CHCHD6: variants seen among roughly 807,000 people sequenced by gnomAD.
CHCHD6 encodes the protein MICOS complex subunit MIC25.
A neutral mutation model predicts 32.3 loss-of-function variants in CHCHD6; 28 were observed. The ratio of observed to expected loss-of-function variants is 0.87; its 90% CI spans 0.64 to 1.19. The LOEUF (loss-of-function observed/expected upper bound fraction) is 1.19. Among genes scored for constraint, CHCHD6 ranks in the 50% most tolerant of loss-of-function variants. The probability of loss-of-function intolerance (pLI) is 0.00; values close to 1 mark genes in which losing one functional copy is unlikely to be tolerated. For synonymous variants in CHCHD6, 122 were observed against 117.5 expected, an observed-to-expected ratio of 1.04 and a Z score of -0.25; for missense variants, 333 against 307.0, an observed-to-expected ratio of 1.08 and a Z score of -0.63.
intron 4 of CHCHD6, among the ~76,000 whole-genome samples, chr3:126,827,454 G>C (rs1940445707): frequency 6.6e-6 from 1 of 152,190 alleles, no homozygotes; most frequent in African/African-American, 2.4e-5. Flanking sequence ...GGTTGCCTTG[G>C]TGGAGGGAAG....
intron 4 of CHCHD6, among the ~76,000 whole-genome samples, chr3:126,825,773 C>G (rs934160037): frequency 1.3e-5 from 2 of 152,148 alleles, no homozygotes; most frequent in Non-Finnish European, 2.9e-5. Context: ...TTCTCACGCT[C>G]TTTATAGTTA....
At chr3:126,903,581 T>A (rs2107584314) in intron 5 of CHCHD6, among the ~76,000 whole-genome samples, 1 of 152,376 alleles carries the variant, frequency 6.6e-6, no homozygotes, top group East Asian at 1.9e-4. Context: ...TTCAAACTCT[T>A]TAGATAGTCA....
At chr3:126,807,204 A>G (rs1338561688) in intron 4 of CHCHD6, among the ~76,000 whole-genome samples, 1 of 152,020 alleles carries the variant, frequency 6.6e-6, no homozygotes, top group Non-Finnish European at 1.5e-5. Flanking sequence ...ATAAAAAAAA[A>G]AAAATTGTGA....
At position 126,957,521 on chromosome 3, in the gene CHCHD6, A is replaced by C. The variant is rs533976978; in HGVS notation, c.672A>C (p.Ala224=). Reference sequence around the variant, plus strand: ...TGCTGTGCTCGGACCTGGTCAAGGCATACCAGCGCTGCGTGAGCGCCGCCC... The same window carrying C: ...TGCTGTGCTCGGACCTGGTCAAGGCCTACCAGCGCTGCGTGAGCGCCGCCC... ...EVLLCSDLVK[A]YQRCVSAAHK... The change falls in exon 7 of 8, where the codon GCA becomes GCC. Residue 224 remains alanine, a synonymous_variant. Coordinates refer to ENST00000290913, the MANE Select transcript of CHCHD6 (RefSeq NM_032343.3). The C allele has an allele frequency of 3.2e-6, 5 of 1,584,756 alleles. No homozygotes were observed. In the African/African-American group the frequency reaches 5.4e-5, roughly 17 times the overall value.
intron 5 of CHCHD6, among the ~76,000 whole-genome samples, chr3:126,863,332 T>A (rs1487705598): frequency 8.0e-5 from 8 of 99,728 alleles, no homozygotes; most frequent in African/African-American, 1.2e-4. Flanking sequence ...CTCCTCCTCC[T>A]CCTCCATCAC....
chr3:126,780,387 G>T (rs565411822), intron 4 of CHCHD6: 22 of 413,588 alleles, frequency 5.3e-5, no homozygotes, highest in Non-Finnish European at 7.7e-5. Flanking sequence ...CAATAAAAAG[G>T]CTCCATCACT....
At chr3:126,813,212 T>A (rs1236424304) in intron 4 of CHCHD6, among the ~76,000 whole-genome samples, 1 of 152,248 alleles carries the variant, frequency 6.6e-6, no homozygotes, top group East Asian at 1.9e-4. Flanking sequence ...GGGCAAGTCA[T>A]GCCCCTTTTC....
At chr3:126,934,536 CTTTTTTT>C (rs386397861) in intron 6 of CHCHD6, among the ~76,000 whole-genome samples, 4 of 58,244 alleles carry the variant, frequency 6.9e-5, no homozygotes, top group Non-Finnish European at 1.2e-4. Flanking sequence ...CCCCTCTCTG[CTTTTTTT>C]TTTTTTTTTT....
chr3:126,824,336 C>T (rs1034088816), intron 4 of CHCHD6, among the ~76,000 whole-genome samples: 29 of 151,474 alleles, frequency 1.9e-4, no homozygotes, highest in African/African-American at 6.8e-4. Flanking sequence ...CTGAGGTGTG[C>T]GGATCACCTG....
chr3:126,853,427 G>C (rs1007679733), intron 5 of CHCHD6, among the ~76,000 whole-genome samples: 10 of 152,282 alleles, frequency 6.6e-5, no homozygotes, highest in Admixed American at 5.2e-4. Flanking sequence ...GCCTGAGACA[G>C]CATGCCAAGC....
chr3:126,757,635 G>T (rs564010042), intron 4 of CHCHD6, among the ~76,000 whole-genome samples: 1 of 152,244 alleles, frequency 6.6e-6, no homozygotes, highest in South Asian at 2.1e-4. Context: ...CCATGAGGTG[G>T]TACAGGTTAG....
At chr3:126,758,326 A>G (rs1206779927) in intron 4 of CHCHD6, among the ~76,000 whole-genome samples, 2 of 152,196 alleles carry the variant, frequency 1.3e-5, no homozygotes, top group South Asian at 2.1e-4. Context: ...CCACCTCCTC[A>G]TGCCACTTGT....
chr3:126,797,469 T>C (rs1938850179), intron 4 of CHCHD6, among the ~76,000 whole-genome samples: 1 of 152,206 alleles, frequency 6.6e-6, no homozygotes, highest in Non-Finnish European at 1.5e-5. Flanking sequence ...TTTCTAGTTA[T>C]TGTTCCCACT....
intron 2 of CHCHD6, 69 bp from the exon 3 acceptor site, chr3:126,730,492 G>T: frequency 4.6e-6 from 6 of 1,315,750 alleles, no homozygotes; most frequent in Non-Finnish European, 6.5e-6. Context: ...ATTCCTCTCT[G>T]GGTGACCTCT....
intron 4 of CHCHD6, among the ~76,000 whole-genome samples, chr3:126,760,334 T>C (rs1182113561): frequency 1.3e-5 from 2 of 152,214 alleles, no homozygotes; most frequent in East Asian, 3.8e-4. Context: ...TCTATTGTGG[T>C]AAAATATATA....
intron 1 of CHCHD6, among the ~76,000 whole-genome samples, chr3:126,705,211 C>T (rs1934421627): frequency 6.6e-6 from 1 of 152,178 alleles, no homozygotes. Flanking sequence ...AACCTCCCAC[C>T]CCGCGTCCAA....
intron 5 of CHCHD6, chr3:126,865,472 C>T: frequency 1.5e-6 from 1 of 681,944 alleles, no homozygotes. Flanking sequence ...CCTACACTTT[C>T]ATCAACTCCA....
intron 5 of CHCHD6, among the ~76,000 whole-genome samples, chr3:126,870,624 G>A (rs2077454497): frequency 6.6e-6 from 1 of 152,150 alleles, no homozygotes; most frequent in South Asian, 2.1e-4. Flanking sequence ...TGGCTCCCTC[G>A]GGCCACCTTA....
chr3:126,793,828 C>A (rs1450313540), intron 4 of CHCHD6, among the ~76,000 whole-genome samples: 1 of 152,038 alleles, frequency 6.6e-6, no homozygotes, highest in Non-Finnish European at 1.5e-5. Flanking sequence ...TTCACTAAGT[C>A]TTTACTTTTC....
Sources: gnomAD v4.1 joint callset for allele counts (sites outside exome capture counted in the v4.1 genomes callset) on GRCh38, gnomAD v4.1.1 for gene constraint, MANE v1.5 for transcripts, NCBI Gene and HGNC (gene_info 2026-07-23, HGNC 2026-07-21) for gene names.